The following GRXCR1 variants were observed in gnomAD, a reference collection of about 807,000 sequenced individuals.
The protein encoded by GRXCR1 is glutaredoxin domain-containing cysteine-rich protein 1.
GRXCR1 carries 27 observed loss-of-function variants against 27.3 expected under a neutral mutation model. The ratio of observed to expected loss-of-function variants is 0.99; its 90% CI spans 0.73 to 1.37. The LOEUF is 1.37. Among genes scored for constraint, GRXCR1 ranks in the 40% most tolerant of loss-of-function variants. The probability of loss-of-function intolerance (pLI) is 0.00; values close to 1 mark genes in which losing one functional copy is unlikely to be tolerated. For synonymous variants in GRXCR1, 122 were observed against 131.1 expected (o/e 0.93, Z 0.47); for missense variants, 379 against 354.4 (o/e 1.07, Z -0.56).
rs925591374 is a variant in GRXCR1, at chr4:42,916,035, A to G, written c.384+22385A>G. Among the ~76,000 whole-genome samples, 4 of 151,998 alleles carry G rather than the reference A, an allele frequency of 2.6e-5. No homozygotes were observed. The East Asian group carries it at 7.8e-4, about 29-fold the overall frequency. On this transcript the variant is annotated intron_variant, in intron 1 of 3. Transcript: ENST00000399770. ...AGCCAAGCTACTAATCTAGTATAAG[A>G]ATAGAACAAAAAATTCCGTATGTTT...
intron 1 of GRXCR1, among the ~76,000 whole-genome samples, chr4:42,960,720 C>T (rs1748113664): frequency 6.6e-6 from 1 of 151,718 alleles, no homozygotes; most frequent in African/African-American, 2.4e-5. Flanking sequence ...ACATTCTCAT[C>T]ACTGTCATCA....
intron 1 of GRXCR1, among the ~76,000 whole-genome samples, chr4:42,903,909 G>A (rs768866809): frequency 3.2e-4 from 48 of 152,192 alleles, no homozygotes; most frequent in Non-Finnish European, 5.1e-4. Flanking sequence ...TACCCATCCT[G>A]CATAAGAGTC....
chr4:42,935,873 T>C (rs79503945), intron 1 of GRXCR1, among the ~76,000 whole-genome samples: 5,205 of 152,020 alleles, frequency 0.034, 113 homozygotes, highest in African/African-American at 0.06. Flanking sequence ...CGAAGTGAGA[T>C]AATAGGTTTC....
At position 42,963,075 on chromosome 4, in the gene GRXCR1, C is replaced by A. The variant is rs773562995; in HGVS notation, c.568C>A (p.Arg190=). ...EYGKELDERC[R]RVSEAPSLPV... is the part of the protein sequence containing the mutation. Reference sequence around the variant, plus strand: ...TGGAAAAGAGTTAGACGAACGATGCCGACGAGTTTCTGAAGCTCCTTCCCT... The same window carrying A: ...TGGAAAAGAGTTAGACGAACGATGCAGACGAGTTTCTGAAGCTCCTTCCCT... Residue 190 remains arginine (R), a synonymous_variant, in exon 2 of 4, where the codon CGA becomes AGA. Coordinates refer to ENST00000399770, the MANE Select transcript of GRXCR1 (RefSeq NM_001080476.3). 6.8e-6 allele frequency: 11 copies of A among 1,612,552 alleles called. No individual in the cohort carries two copies.
intron 3 of GRXCR1, among the ~76,000 whole-genome samples, chr4:43,029,671 A>G (rs1327130011): frequency 6.6e-6 from 1 of 152,216 alleles, no homozygotes; most frequent in Non-Finnish European, 1.5e-5. Context: ...GTTGATAGCT[A>G]CTGTGGGAAG....
chr4:42,983,876 C>A (rs1711575621), intron 2 of GRXCR1, among the ~76,000 whole-genome samples: 1 of 149,266 alleles, frequency 6.7e-6, no homozygotes, highest in African/African-American at 2.5e-5. Context: ...CACTCTGTCA[C>A]CTGGGCTGCA....
chr4:42,933,230 G>T (rs1747372360), intron 1 of GRXCR1, among the ~76,000 whole-genome samples: 1 of 151,892 alleles, frequency 6.6e-6, no homozygotes, highest in African/African-American at 2.4e-5. Flanking sequence ...GCTATTGAGG[G>T]TAGTGACACA....
chr4:42,978,660 T>C (rs1397797420), intron 2 of GRXCR1, among the ~76,000 whole-genome samples: 1 of 152,120 alleles, frequency 6.6e-6, no homozygotes, highest in Non-Finnish European at 1.5e-5. Context: ...TTTCATAATT[T>C]TATCAAATTT....
intron 2 of GRXCR1, among the ~76,000 whole-genome samples, chr4:42,999,444 A>G (rs1712278759): frequency 6.6e-6 from 1 of 152,230 alleles, no homozygotes; most frequent in African/African-American, 2.4e-5. Context: ...AGTTGGTCCC[A>G]TCTTGTCACT....
chr4:42,950,082 A>G (rs1048240725), intron 1 of GRXCR1, among the ~76,000 whole-genome samples: 77 of 152,312 alleles, frequency 5.1e-4, no homozygotes, highest in Admixed American at 7.8e-4. Flanking sequence ...AAAATTGAGA[A>G]ACACTTTAAT....
chr4:42,947,773 A>G (rs1419521644), intron 1 of GRXCR1, among the ~76,000 whole-genome samples: 1 of 152,210 alleles, frequency 6.6e-6, no homozygotes, highest in African/African-American at 2.4e-5. Context: ...ATAGCAATCA[A>G]TCTTGTTTTC....
In GRXCR1 at chr4:43,018,878, C is replaced by T. The variant is rs182032625; in HGVS notation, c.628-1476C>T. On this transcript the variant is annotated intron_variant, in intron 2 of 3. Transcript: ENST00000399770. ...CTTTGTTCTTACTTTAGAGGTTTCA[C>T]GTCTGTATTCCTGGCCCAACTACCA... Among the ~76,000 whole-genome samples, 18 of 152,282 alleles carry T rather than the reference C, an allele frequency of 1.2e-4. No homozygotes were observed. The South Asian group carries it at 2.7e-3, about 23-fold the overall frequency.
At position 43,010,897 on chromosome 4, in the gene GRXCR1, A is replaced by T. The variant is rs545772322; in HGVS notation, c.628-9457A>T. Among the ~76,000 whole-genome samples, 9 of 152,252 alleles carry T rather than the reference A, an allele frequency of 5.9e-5. No homozygotes were observed. In the East Asian group the frequency reaches 1.7e-3, roughly 29 times the overall value. On this transcript the variant is annotated intron_variant, in intron 2 of 3. Transcript: ENST00000399770. ...ATACTCAACATATATTATCTCATTT[A>T]TTTCTTACACTGCTACATGATAGAA...
At chr4:43,024,864 A>C (rs1192329925) in intron 3 of GRXCR1, among the ~76,000 whole-genome samples, 1 of 152,156 alleles carries the variant, frequency 6.6e-6, no homozygotes, top group Non-Finnish European at 1.5e-5. Context: ...GTACTCTGAC[A>C]ATTTGTTTTA....
chr4:42,928,084 A>G (rs1348476454), intron 1 of GRXCR1, among the ~76,000 whole-genome samples: 1 of 151,980 alleles, frequency 6.6e-6, no homozygotes, highest in African/African-American at 2.4e-5. Context: ...TTCATGGAGC[A>G]TTAACTCTCC....
At chr4:42,999,022 G>A (rs986648895) in intron 2 of GRXCR1, among the ~76,000 whole-genome samples, 12 of 152,258 alleles carry the variant, frequency 7.9e-5, no homozygotes, top group African/African-American at 1.9e-4. Flanking sequence ...CTTCATAGGT[G>A]CACAATCCAG....
intron 2 of GRXCR1, among the ~76,000 whole-genome samples, chr4:42,994,476 A>G (rs1458605938): frequency 6.6e-6 from 1 of 152,164 alleles, no homozygotes; most frequent in Non-Finnish European, 1.5e-5. Context: ...AGGAGTAAAG[A>G]CAGGAAGTTG....
Position 42,918,988 on chromosome 4 carries a change from G to T in GRXCR1, c.384+25338G>T, listed in dbSNP as rs530826753. On this transcript the variant is annotated intron_variant, in intron 1 of 3. Coordinates refer to ENST00000399770, the MANE Select transcript of GRXCR1 (RefSeq NM_001080476.3). ...TTTATTACAAAAATAATAGAAGGCA[G>T]CAGAAATCAGAATAACCTCTTCTTC... Among the ~76,000 whole-genome samples the T allele has an allele frequency of 2.6e-5, 4 of 152,184 alleles. No homozygotes were observed. In the East Asian group the frequency reaches 5.8e-4, roughly 22 times the overall value.
At position 42,937,313 on chromosome 4, in the gene GRXCR1, C is replaced by A. The variant is rs570764653; in HGVS notation, c.385-25579C>A. 6.0e-5 allele frequency among the ~76,000 whole-genome samples: 9 copies of A among 150,686 alleles called. No individual in the cohort carries two copies. In the South Asian group the frequency reaches 1.9e-3, roughly 32 times the overall value. On this transcript the variant is annotated intron_variant, in intron 1 of 3. Transcript: ENST00000399770. ...TTTTTATTTTTTGAGTACTTTCTGG[C>A]AATGTAAGATGATCCAGGCTCACCT...
Sources: gnomAD v4.1 joint callset for allele counts (sites outside exome capture counted in the v4.1 genomes callset) on GRCh38, gnomAD v4.1.1 for gene constraint, MANE v1.5 for transcripts, NCBI Gene and HGNC (gene_info 2026-07-23, HGNC 2026-07-21) for gene names.